Variants in RHOJ observed in about 807,000 individuals in gnomAD.
RHOJ encodes the protein ras homolog family member J.
In RHOJ, 11 loss-of-function variants were observed where a neutral mutation model predicts 23.4. The ratio of observed to expected loss-of-function variants is 0.47; its 90% CI spans 0.30 to 0.78. RHOJ has a LOEUF of 0.78. Ranked by LOEUF, RHOJ falls within the 30% of genes least tolerant of loss-of-function variation. The pLI is 0.08. For missense variants in RHOJ, 254 were observed against 273.4 expected, an observed-to-expected ratio of 0.93 and a Z score of 0.50; for synonymous variants, 102 against 102.7, an observed-to-expected ratio of 0.99 and a Z score of 0.04.
intron 2 of RHOJ, among the ~76,000 whole-genome samples, chr14:63,278,741 G>A (rs1405247234): frequency 1.3e-5 from 2 of 152,090 alleles, no homozygotes; most frequent in South Asian, 4.1e-4. Context: ...CTAGCACTTT[G>A]GCGGGGGCTG....
chr14:63,258,072 C>T (rs1895208173), intron 1 of RHOJ, among the ~76,000 whole-genome samples: 1 of 149,330 alleles, frequency 6.7e-6, no homozygotes, highest in African/African-American at 2.5e-5. Flanking sequence ...ACTAAAAATA[C>T]CAAAAATAAG....
chr14:63,282,286 G>GCACACACACACACACACACA (rs36227581), intron 3 of RHOJ, among the ~76,000 whole-genome samples: 2 of 133,296 alleles, frequency 1.5e-5, no homozygotes, highest in African/African-American at 5.2e-5. Flanking sequence ...ACAAACACAT[G>GCACACACACACACACACACA]CACACACACA....
chr14:63,213,806 C>T (rs1018319291), intron 1 of RHOJ, among the ~76,000 whole-genome samples: 3 of 152,034 alleles, frequency 2.0e-5, no homozygotes, highest in Non-Finnish European at 2.9e-5. Context: ...CTTTGTGGTG[C>T]TCTGTATCTA....
intron 4 of RHOJ, chr14:63,288,230 C>G (rs1882143820): frequency 3.0e-6 from 3 of 985,306 alleles, no homozygotes; most frequent in Non-Finnish European, 3.6e-6. Context: ...TCCTCCCGCT[C>G]CATCGAAAGG....
In RHOJ at chr14:63,285,410, T is replaced by C. The variant is rs75452006; in HGVS notation, c.498+2194T>C. On this transcript the variant is annotated intron_variant, in intron 4 of 4. Coordinates refer to ENST00000316754, the MANE Select transcript of RHOJ (RefSeq NM_020663.5). ...GAGTCCCTTATTTTCATGTGCAAAG[T>C]TCCCCCCCAACTTAAAGGCTTTGCA... Among the ~76,000 whole-genome samples the C allele has an allele frequency of 2.8e-3, 426 of 152,320 alleles. 2 individuals carry two copies. Among genetic ancestry groups the C allele is most frequent in the African/African-American group, 9.0e-3 (374 of 41,574 alleles).
chr14:63,284,171 AATTGTATGC>A, intron 4 of RHOJ: 15 of 956,528 alleles, frequency 1.6e-5, no homozygotes, highest in Non-Finnish European at 1.7e-5. Context: ...TCACTTACAA[AATTGTATGC>A]ATTTATCTTA....
chr14:63,276,992 C>T (rs1881739879), intron 2 of RHOJ, among the ~76,000 whole-genome samples: 1 of 152,154 alleles, frequency 6.6e-6, no homozygotes, highest in Admixed American at 6.5e-5. Context: ...ATAGATGATC[C>T]ATCCTGTGGT....
intron 1 of RHOJ, among the ~76,000 whole-genome samples, chr14:63,240,570 A>G (rs1894866096): frequency 6.6e-6 from 1 of 152,190 alleles, no homozygotes; most frequent in South Asian, 2.1e-4. Context: ...ATACTGGAAT[A>G]TTTACATTGA....
At chr14:63,218,542 A>G (rs1257131779) in intron 1 of RHOJ, among the ~76,000 whole-genome samples, 1 of 152,194 alleles carries the variant, frequency 6.6e-6, no homozygotes, top group African/African-American at 2.4e-5. Context: ...AGTATGCAGT[A>G]TATTCCACCT....
intron 4 of RHOJ, among the ~76,000 whole-genome samples, chr14:63,285,235 A>G (rs1882042006): frequency 6.6e-6 from 1 of 152,186 alleles, no homozygotes; most frequent in African/African-American, 2.4e-5. Flanking sequence ...ACTTTCCTAC[A>G]GGAAACTGAG....
chr14:63,252,538 AC>A (rs1895090774), intron 1 of RHOJ, among the ~76,000 whole-genome samples: 1 of 152,166 alleles, frequency 6.6e-6, no homozygotes, highest in Non-Finnish European at 1.5e-5. Flanking sequence ...TATTTTCAAA[AC>A]GTTGTTTTAA....
At chr14:63,268,118 C>A (rs1195141442) in intron 1 of RHOJ, among the ~76,000 whole-genome samples, 1 of 152,150 alleles carries the variant, frequency 6.6e-6, no homozygotes, top group Non-Finnish European at 1.5e-5. Context: ...TAGGAGGAAT[C>A]AAAAATCATC....
chr14:63,256,272 G>A (rs1895163225), intron 1 of RHOJ, among the ~76,000 whole-genome samples: 1 of 151,986 alleles, frequency 6.6e-6, no homozygotes, highest in African/African-American at 2.4e-5. Flanking sequence ...ATGCCAACCG[G>A]GGGCCGGCAT....
At chr14:63,288,128 T>C (rs1201028611) in intron 4 of RHOJ, 1 of 962,250 alleles carries the variant, frequency 1.0e-6, no homozygotes. Context: ...CAGTACAACA[T>C]AATGTCATAT....
chr14:63,244,914 A>G (rs1894949463), intron 1 of RHOJ, among the ~76,000 whole-genome samples: 1 of 152,234 alleles, frequency 6.6e-6, no homozygotes, highest in African/African-American at 2.4e-5. Context: ...ACACATGGGT[A>G]TTTGTGTGTA....
intron 1 of RHOJ, among the ~76,000 whole-genome samples, chr14:63,214,325 A>G (rs187249353): frequency 6.6e-6 from 1 of 152,374 alleles, no homozygotes. Context: ...ACCCATTTAG[A>G]TATCACAAAT....
intron 2 of RHOJ, among the ~76,000 whole-genome samples, chr14:63,272,628 T>C (rs1895491755): frequency 6.6e-6 from 1 of 152,230 alleles, no homozygotes; most frequent in African/African-American, 2.4e-5. Flanking sequence ...TGCTTTCCCT[T>C]GACTTTGAGG....
At chr14:63,250,056 A>C (rs1000647796) in intron 1 of RHOJ, among the ~76,000 whole-genome samples, 2 of 152,188 alleles carry the variant, frequency 1.3e-5, no homozygotes, top group Non-Finnish European at 2.9e-5. Flanking sequence ...CCATTTGTGC[A>C]TGCTTTTGCC....
chr14:63,268,612 A>G (rs964338884), intron 1 of RHOJ, among the ~76,000 whole-genome samples: 2 of 152,244 alleles, frequency 1.3e-5, no homozygotes, highest in Admixed American at 6.5e-5. Flanking sequence ...TATAGGCTAT[A>G]AAAGTATGTA....
Sources: gnomAD v4.1 joint callset for allele counts (sites outside exome capture counted in the v4.1 genomes callset) on GRCh38, gnomAD v4.1.1 for gene constraint, MANE v1.5 for transcripts, NCBI Gene and HGNC (gene_info 2026-07-23, HGNC 2026-07-21) for gene names.